UGT1A9: variants seen among roughly 807,000 people sequenced by gnomAD.
The protein encoded by UGT1A9 is UDP-glucuronosyltransferase 1A9.
Under a neutral mutation model 45.0 loss-of-function variants are expected in UGT1A9, and 35 were observed. The observed-to-expected ratio is 0.78, with a 90% CI of 0.59 to 1.03. The LOEUF is 1.03. Ranked by LOEUF, UGT1A9 falls within the 50% of genes least tolerant of loss-of-function variation. UGT1A9 has a pLI of 0.00. For synonymous variants in UGT1A9, 278 were observed against 250.6 expected, an observed-to-expected ratio of 1.11 and a Z score of -1.03; for missense variants, 687 against 666.6, an observed-to-expected ratio of 1.03 and a Z score of -0.34.
intron 1 of UGT1A9, among the ~76,000 whole-genome samples, chr2:233,739,521 C>G (rs937705883): frequency 6.6e-6 from 1 of 152,212 alleles, no homozygotes; most frequent in Non-Finnish European, 1.5e-5. Context: ...GACATGAAGT[C>G]AAGGGAGATT....
intron 1 of UGT1A9, among the ~76,000 whole-genome samples, chr2:233,752,890 C>G (rs537828663): frequency 5.9e-5 from 9 of 152,204 alleles, no homozygotes; most frequent in African/African-American, 1.7e-4. Flanking sequence ...AACTAGCCAG[C>G]GTTGTTACAG....
chr2:233,699,831 A>C (rs2075527106), intron 1 of UGT1A9, among the ~76,000 whole-genome samples: 1 of 152,178 alleles, frequency 6.6e-6, no homozygotes, highest in Non-Finnish European at 1.5e-5. Flanking sequence ...CTCAAATAGA[A>C]CTAATTTTTC....
At position 233,672,162 on chromosome 2, in the gene UGT1A9, T is replaced by G; in HGVS notation, c.228T>G (p.Thr76=). The G allele has an allele frequency of 6.2e-7, 1 of 1,614,188 alleles. No homozygotes were observed. The highest frequency in any genetic ancestry group is 8.5e-7 in the Non-Finnish European group (1 of 1,180,022). ...LGRSLNCTVK[T]YSTSYTLEDL... ...GATCACTGAATTGCACAGTGAAGAC[T>G]TATTCAACTTCATATACCCTGGAGG... is the stretch of plus-strand genomic sequence containing the variant. The change falls in exon 1 of 5, where the codon ACT becomes ACG. Residue 76 remains threonine (T), a synonymous_variant. Coordinates refer to ENST00000354728, the MANE Select transcript of UGT1A9 (RefSeq NM_021027.3).
chr2:233,751,062 CA>C (rs1460604687), intron 1 of UGT1A9, among the ~76,000 whole-genome samples: 3 of 151,906 alleles, frequency 2.0e-5, no homozygotes, highest in Non-Finnish European at 4.4e-5. Context: ...CACAGACACT[CA>C]ATGCCAGCCT....
chr2:233,720,410 G>T (rs537588442), intron 1 of UGT1A9, among the ~76,000 whole-genome samples: 1 of 152,200 alleles, frequency 6.6e-6, no homozygotes, highest in South Asian at 2.1e-4. Flanking sequence ...GGGTGGAAGG[G>T]ACTAGGGAGG....
In UGT1A9 at chr2:233,682,092, G is replaced by T. The variant is rs770615417; in HGVS notation, c.855+9303G>T. ...GTGGTGGAGAAACTCATCCTCAGGGGGCATGAGGTGGTCGTAGTCATGCCA... is the reference window on the plus strand; with the variant it reads ...GTGGTGGAGAAACTCATCCTCAGGGTGCATGAGGTGGTCGTAGTCATGCCA... On this transcript the variant is annotated intron_variant, in intron 1 of 4. Coordinates refer to ENST00000354728, the MANE Select transcript of UGT1A9 (RefSeq NM_021027.3). 3.5e-5 allele frequency: 56 copies of T among 1,614,070 alleles called. 2 individuals are homozygous for T. The South Asian group carries it at 5.9e-4, about 17-fold the overall frequency.
intron 1 of UGT1A9, among the ~76,000 whole-genome samples, chr2:233,737,003 G>A (rs560792837): frequency 9.8e-5 from 15 of 152,324 alleles, no homozygotes; most frequent in Middle Eastern, 3.4e-3. Context: ...TCAGGGACCC[G>A]CTTGAGGAGG....
Position 233,719,177 on chromosome 2 carries a change from T to C in UGT1A9, c.855+46388T>C, listed in dbSNP as rs779768748. Reference sequence around the variant, plus strand: ...CTAGAAGTATGGCAATTATGAACAATGTATCTTTGGCCCTTCATAGGTGTT... The same window carrying C: ...CTAGAAGTATGGCAATTATGAACAACGTATCTTTGGCCCTTCATAGGTGTT... On this transcript the variant is annotated intron_variant, in intron 1 of 4. Transcript: ENST00000354728. The C allele has an allele frequency of 1.1e-5, 17 of 1,614,142 alleles. No homozygotes were observed. In the East Asian group the frequency reaches 3.6e-4, roughly 34 times the overall value.
chr2:233,766,270 C>T (rs1699087800), intron 1 of UGT1A9, among the ~76,000 whole-genome samples: 1 of 67,854 alleles, frequency 1.5e-5, no homozygotes. Flanking sequence ...GGCCCGGGCT[C>T]GGTGGCCCGG....
At chr2:233,677,045 A>G (rs983914682) in intron 1 of UGT1A9, among the ~76,000 whole-genome samples, 18 of 151,736 alleles carry the variant, frequency 1.2e-4, no homozygotes, top group African/African-American at 4.1e-4. Flanking sequence ...TTGCATTACC[A>G]TATGCATTTT....
At chr2:233,745,905 G>A (rs1693243700) in intron 1 of UGT1A9, among the ~76,000 whole-genome samples, 1 of 151,554 alleles carries the variant, frequency 6.6e-6, no homozygotes, top group Non-Finnish European at 1.5e-5. Context: ...TTTTCAGGGA[G>A]CAGCTGAGGC....
chr2:233,729,563 T>C (rs1575582570), intron 1 of UGT1A9: 2 of 1,614,156 alleles, frequency 1.2e-6, no homozygotes, highest in South Asian at 1.1e-5. Flanking sequence ...GCTACTTCCT[T>C]TGATGTGGTT....
Position 233,706,887 on chromosome 2 carries a change from T to C in UGT1A9, c.855+34098T>C, listed in dbSNP as rs191492474. ...TAGACCTGGCACTTCCCAGCTCTGGTTGGAGGCATTTTACAATCCTAGCTG... is the reference window on the plus strand; with the variant it reads ...TAGACCTGGCACTTCCCAGCTCTGGCTGGAGGCATTTTACAATCCTAGCTG... On this transcript the variant is annotated intron_variant, in intron 1 of 4. Coordinates refer to ENST00000354728, the MANE Select transcript of UGT1A9 (RefSeq NM_021027.3). Among the ~76,000 whole-genome samples the C allele has an allele frequency of 4.6e-5, 7 of 152,310 alleles. No individual in the cohort carries two copies. In the East Asian group the frequency reaches 1.3e-3, roughly 29 times the overall value.
At chr2:233,706,327 CA>C (rs1479575351) in intron 1 of UGT1A9, among the ~76,000 whole-genome samples, 1 of 152,160 alleles carries the variant, frequency 6.6e-6, no homozygotes, top group Non-Finnish European at 1.5e-5. Context: ...TGGAACTATT[CA>C]AGCTGGTGAC....
At chr2:233,743,198 T>G (rs1692227128) in intron 1 of UGT1A9, 1 of 382,180 alleles carries the variant, frequency 2.6e-6, no homozygotes, top group African/African-American at 2.1e-5. Flanking sequence ...TTACTTGGTG[T>G]CAATGCGGAG....
At position 233,772,339 on chromosome 2, in the gene UGT1A9, G is replaced by A; in HGVS notation, c.1373G>A (p.Trp458Ter). The change falls in exon 5 of 5, where the codon TGG (tryptophan) becomes TAG (stop). Residue 458 changes from tryptophan to a stop codon, truncating the protein, a stop_gained. Transcript: ENST00000354728. LOFTEE classifies it high-confidence loss of function. ...GAGCCGCTGGACCTGGCCGTGTTCT[G>A]GGTGGAGTTTGTGATGAGGCACAAG... ...PVEPLDLAVF[W>*]VEFVMRHKGA... 2 of 1,614,256 alleles carry A rather than the reference G, an allele frequency of 1.2e-6. No homozygotes were observed. The highest frequency in any genetic ancestry group is 1.7e-6 in the Non-Finnish European group (2 of 1,180,038).
chr2:233,772,622 C>G lies in UGT1A9; in HGVS notation c.*63C>G. ...CCCTAGTCATTTCCAAACTTGAAAA[C>G]AGAATCAGTGTTAAATTCATTTTAT... On this transcript the variant is annotated 3_prime_UTR_variant, in exon 5 of 5. Transcript: ENST00000354728. 2.6e-6 allele frequency: 4 copies of G among 1,567,434 alleles called. No individual in the cohort carries two copies. The highest frequency in any genetic ancestry group is 3.5e-6 in the Non-Finnish European group (4 of 1,155,382).
intron 1 of UGT1A9, chr2:233,693,769 A>G (rs1451230147): frequency 6.2e-7 from 1 of 1,614,160 alleles, no homozygotes; most frequent in Non-Finnish European, 8.5e-7. Context: ...TTTGGCTGTT[A>G]AGATATGACT....
At chr2:233,746,211 T>C (rs371025099) in intron 1 of UGT1A9, among the ~76,000 whole-genome samples, 2 of 151,850 alleles carry the variant, frequency 1.3e-5, no homozygotes, top group East Asian at 3.9e-4. Flanking sequence ...TATACTCTAA[T>C]AGCAAGGACA....
Sources: gnomAD v4.1 joint callset for allele counts (sites outside exome capture counted in the v4.1 genomes callset) on GRCh38, gnomAD v4.1.1 for gene constraint, MANE v1.5 for transcripts, NCBI Gene and HGNC (gene_info 2026-07-23, HGNC 2026-07-21) for gene names.